The following ASIC4 variants were observed in gnomAD, a reference collection of about 807,000 sequenced individuals.
ASIC4 encodes acid sensing ion channel subunit family member 4.
Under a neutral mutation model 53.4 loss-of-function variants are expected in ASIC4, and 28 were observed. The observed-to-expected ratio is 0.52, with a 90% CI of 0.39 to 0.72. The LOEUF (loss-of-function observed/expected upper bound fraction) is 0.72, where lower values mean the gene tolerates loss of function less well. ASIC4 is among the 30% of genes least tolerant of loss of function. The pLI is 0.00. For missense variants in ASIC4, 649 were observed against 729.7 expected, an observed-to-expected ratio of 0.89 and a Z score of 1.27; for synonymous variants, 289 against 301.4, an observed-to-expected ratio of 0.96 and a Z score of 0.43.
At position 219,532,126 on chromosome 2, in the gene ASIC4, CG is replaced by C; in HGVS notation, c.855+1del. ...GACCTTTGTGTCCTGCCAGGAACAG[CG>C]GGTGAGCATCTCCTGCTAGGCCCTG... ...FQTFVSCQEQRLTYLPQPWGN... is the reference protein window; with the variant it reads ...FQTFVSCQEQXLTYLPQPWGN... On this transcript the variant is annotated frameshift_variant and splice_region_variant, in exon 3 of 10. Transcript: ENST00000358078. LOFTEE classifies it high-confidence loss of function. 1 of 1,614,116 alleles carries C rather than the reference CG, an allele frequency of 6.2e-7. No homozygotes were observed. The highest frequency in any genetic ancestry group is 8.5e-7 in the Non-Finnish European group (1 of 1,180,022).
At chr2:219,528,025 T>A (rs1265951652) in intron 1 of ASIC4, among the ~76,000 whole-genome samples, 1 of 152,244 alleles carries the variant, frequency 6.6e-6, no homozygotes, top group African/African-American at 2.4e-5. Flanking sequence ...GAGGAGCTCA[T>A]AACGTGGGTA....
Position 219,516,029 on chromosome 2 carries a change from ACT to A in ASIC4, c.582+725_582+726del, listed in dbSNP as rs1266185432. 6.6e-6 allele frequency among the ~76,000 whole-genome samples: 1 copy of A among 151,908 alleles called. No individual in the cohort carries two copies. The highest frequency in any genetic ancestry group is 1.5e-5 in the Non-Finnish European group (1 of 67,962). ...TCACTGGTTCACTCTTATGTGCATA[ACT>A]CACCCTCACTGCTGCCCCAGCACGG... On this transcript the variant is annotated intron_variant, in intron 1 of 9. Coordinates refer to ENST00000358078, the MANE Select transcript of ASIC4 (RefSeq NM_018674.6). The surrounding 1 kb of genome is among the most constrained non-coding windows in gnomAD (Gnocchi z 4.9).
rs756631747 is a variant in ASIC4, at chr2:219,535,343, G to T, written c.1229+19G>T. On this transcript the variant is annotated intron_variant, in intron 6 of 9. Transcript: ENST00000358078. Reference sequence around the variant, plus strand: ...ACATACGGTATGTGTGTGTGTGTGTGGGGGGTGGCTGTGTGACTCTGTGTG... The same window carrying T: ...ACATACGGTATGTGTGTGTGTGTGTTGGGGGTGGCTGTGTGACTCTGTGTG... 21 of 1,543,640 alleles carry T rather than the reference G, an allele frequency of 1.4e-5. 1 individual carries two copies. The highest frequency in any genetic ancestry group is 1.7e-5 in the Non-Finnish European group (20 of 1,145,688).
intron 1 of ASIC4, among the ~76,000 whole-genome samples, chr2:219,528,082 C>A (rs910274446): frequency 6.6e-6 from 1 of 152,246 alleles, no homozygotes; most frequent in Non-Finnish European, 1.5e-5. Context: ...GGAGCATATA[C>A]GCAAAACTGG....
In ASIC4 at chr2:219,531,793, C is replaced by T. The variant is rs148269786; in HGVS notation, c.618C>T (p.Asn206=). The change falls in exon 2 of 10, where the codon AAC becomes AAT. Residue 206 remains asparagine (N), a synonymous_variant. Coordinates refer to ENST00000358078, the MANE Select transcript of ASIC4 (RefSeq NM_018674.6). ...YTRYGKCYTF[N]ADPRSSLPSR... is the part of the protein sequence containing the mutation. ...GCTATGGGAAGTGTTACACCTTCAA[C>T]GCGGACCCGCGGAGCTCGCTGCCCA... 3.1e-5 allele frequency: 50 copies of T among 1,612,292 alleles called. No individual in the cohort carries two copies. In the African/African-American group the frequency reaches 3.7e-4, roughly 12 times the overall value.
rs778014757 is a variant in ASIC4 at position 219,516,297 on chromosome 2, C to T, written c.582+991C>T. 2.0e-5 allele frequency among the ~76,000 whole-genome samples: 3 copies of T among 152,148 alleles called. No individual in the cohort carries two copies. Among genetic ancestry groups the T allele is most frequent in the Non-Finnish European group, 2.9e-5 (2 of 68,024 alleles). ...CACCCCCACCCCCATCTATCCCAAC[C>T]GCTGCTCCCCATTTGGAGACTGCTG... On this transcript the variant is annotated intron_variant, in intron 1 of 9. Transcript: ENST00000358078. This position sits in a 1 kb window ranked among gnomAD's most constrained non-coding sequence, Gnocchi z 4.9.
At position 219,517,453 on chromosome 2, in the gene ASIC4, G is replaced by A. The variant is rs982494767; in HGVS notation, c.582+2147G>A. Reference sequence around the variant, plus strand: ...TTGGGGGACAGGAATTCCCCTTTGGGATTTCCATTTCCCCTGTCTCCAGCC... The same window carrying A: ...TTGGGGGACAGGAATTCCCCTTTGGAATTTCCATTTCCCCTGTCTCCAGCC... On this transcript the variant is annotated intron_variant, in intron 1 of 9. Transcript: ENST00000358078. The surrounding 1 kb of genome is among the most constrained non-coding windows in gnomAD (Gnocchi z 4.2). 2.6e-5 allele frequency among the ~76,000 whole-genome samples: 4 copies of A among 152,136 alleles called. No individual in the cohort carries two copies. The highest frequency in any genetic ancestry group is 5.9e-5 in the Non-Finnish European group (4 of 68,008).
intron 1 of ASIC4, 139 bp downstream of exon 1, chr2:219,515,445 C>T (rs1694770991): frequency 8.1e-7 from 1 of 1,230,028 alleles, no homozygotes; most frequent in African/African-American, 1.5e-5. Context: ...CTCGTGTTTC[C>T]CCAAGCCTGG....
chr2:219,516,555 T>C lies in ASIC4; in HGVS notation c.582+1249T>C, dbSNP rs573920849. ...AGTCCACAGTTTGCTCCCAGCATTG[T>C]GTGTGCATGCGTGTATGTTTCATCC... On this transcript the variant is annotated intron_variant, in intron 1 of 9. Transcript: ENST00000358078. The surrounding 1 kb of genome is among the most constrained non-coding windows in gnomAD (Gnocchi z 4.9). The C allele has an allele frequency of 1.3e-5, 2 of 152,308 alleles. No individual in the cohort carries two copies. Among genetic ancestry groups the C allele is most frequent in the East Asian group, 3.9e-4 (2 of 5,194 alleles). The allele number at this position is 152,308 out of a possible 1,614,324, so 9.4% of individuals were successfully genotyped here. A position where few individuals can be genotyped will look rare whatever the true frequency, so the allele number is the denominator to read the frequency against.
chr2:219,535,858 G>T (rs1008746635), intron 6 of ASIC4, among the ~76,000 whole-genome samples: 1 of 146,964 alleles, frequency 6.8e-6, no homozygotes. Context: ...CTGCAACCTC[G>T]ACCTCCCAGG....
At chr2:219,531,559 T>C (rs1695041733) in intron 1 of ASIC4, among the ~76,000 whole-genome samples, 199 bp from the exon 2 acceptor site, 1 of 152,188 alleles carries the variant, frequency 6.6e-6, no homozygotes, top group Non-Finnish European at 1.5e-5. Context: ...GGGTTGGAGA[T>C]GCTTTCTAAT....
At chr2:219,522,284 CT>C (rs1694897529) in intron 1 of ASIC4, among the ~76,000 whole-genome samples, 1 of 151,400 alleles carries the variant, frequency 6.6e-6, no homozygotes, top group Non-Finnish European at 1.5e-5. Context: ...ATCCGTGGCG[CT>C]TGGCTCAGCG....
chr2:219,508,901 C>T, the ASIC4 span, among the ~76,000 whole-genome samples: 3 of 70,898 alleles, frequency 4.2e-5, no homozygotes, highest in Admixed American at 2.0e-4. Flanking sequence ...GTAAAATCAG[C>T]GAGGGGGAGC....
chr2:219,531,613 G>A, intron 1 of ASIC4, 145 bp from the exon 2 acceptor site: 1 of 870,510 alleles, frequency 1.1e-6, no homozygotes, highest in East Asian at 2.7e-5. Context: ...GCTGATTGGA[G>A]AGGCTGGGCT....
intron 1 of ASIC4, among the ~76,000 whole-genome samples, chr2:219,521,940 G>A (rs1694891172): frequency 6.6e-6 from 1 of 152,140 alleles, no homozygotes; most frequent in Non-Finnish European, 1.5e-5. Context: ...GATGAGTGAG[G>A]ATGGGAAGGC....
In ASIC4 at chr2:219,518,989, C is replaced by T. The variant is rs922194595; in HGVS notation, c.582+3683C>T. On this transcript the variant is annotated intron_variant, in intron 1 of 9. Coordinates refer to ENST00000358078, the MANE Select transcript of ASIC4 (RefSeq NM_018674.6). This position sits in a 1 kb window ranked among gnomAD's most constrained non-coding sequence, Gnocchi z 4.8. ...CGCGATCTCGGCTCACTACAGGCTC[C>T]GCCCCCCGGGGTTCATGCCATTCTC... Among the ~76,000 whole-genome samples, 1 of 152,134 alleles carries T rather than the reference C, an allele frequency of 6.6e-6. No homozygotes were observed. Among genetic ancestry groups the T allele is most frequent in the Admixed American group, 6.5e-5 (1 of 15,276 alleles).
chr2:219,529,673 G>A (rs781138328), intron 1 of ASIC4, among the ~76,000 whole-genome samples: 9 of 152,140 alleles, frequency 5.9e-5, no homozygotes, highest in Non-Finnish European at 8.8e-5. Flanking sequence ...GACTTTGGAC[G>A]TCACTTCACT....
At chr2:219,514,328 G>T (rs761265425), upstream of ASIC4, 6 of 1,527,398 alleles carry the variant, frequency 3.9e-6, 1 homozygote, top group Middle Eastern at 4.7e-4. Context: ...TAAGCGTGGG[G>T]AGGGCTCCGG....
At chr2:219,511,379 G>A (rs1215876131), upstream of ASIC4, among the ~76,000 whole-genome samples, 5 of 145,066 alleles carry the variant, frequency 3.4e-5, no homozygotes, top group East Asian at 6.0e-4. The surrounding 1 kb of genome is among the most constrained non-coding windows in gnomAD (Gnocchi z 5.3). Context: ...CTCTCCCCCC[G>A]ACTGCATGCA....
Sources: gnomAD v4.1 joint callset for allele counts (sites outside exome capture counted in the v4.1 genomes callset) on GRCh38, gnomAD v4.1.1 for gene constraint, Gnocchi (gnomAD v3.1) non-coding constraint, MANE v1.5 for transcripts, NCBI Gene and HGNC (gene_info 2026-07-23, HGNC 2026-07-21) for gene names.